ADGRV1: variants seen among roughly 807,000 people sequenced by gnomAD.
ADGRV1 encodes the protein adhesion G protein-coupled receptor V1.
ADGRV1 carries 359 observed loss-of-function variants against 596.2 expected under a neutral mutation model. That is an observed-to-expected ratio of 0.60 (90% CI 0.55 to 0.66). The LOEUF is 0.66. Ranked by LOEUF, ADGRV1 falls within the 30% of genes least tolerant of loss-of-function variation. ADGRV1 has a pLI of 0.00. For missense variants in ADGRV1, 7,274 were observed against 7,575.6 expected (o/e 0.96, Z 1.48); for synonymous variants, 2,681 against 2,679.2 (o/e 1.00, Z -0.02).
At chr5:90,805,263 C>CT in intron 71 of ADGRV1, 21 bp from the exon 72 acceptor site, 1 of 1,601,208 alleles carries the variant, frequency 6.2e-7, no homozygotes, top group East Asian at 2.2e-5. Context: ...ATAAAATACT[C>CT]TAAGCATGAT....
intron 83 of ADGRV1, among the ~76,000 whole-genome samples, chr5:90,865,970 T>G (rs937137339): frequency 1.3e-5 from 2 of 152,164 alleles, no homozygotes; most frequent in African/African-American, 4.8e-5. Flanking sequence ...GGAGGTTAAA[T>G]CAACTCTAGA....
At chr5:90,560,554 C>A (rs550495892) in intron 1 of ADGRV1, among the ~76,000 whole-genome samples, 28 of 152,122 alleles carry the variant, frequency 1.8e-4, no homozygotes, top group African/African-American at 6.7e-4. Flanking sequence ...TTTCCAAATG[C>A]TCTTAGGACC....
Position 90,777,891 on chromosome 5 carries a change from GT to G in ADGRV1, c.12528-11del, listed in dbSNP as rs1258338945. On this transcript the variant is annotated splice_polypyrimidine_tract_variant and intron_variant, in intron 61 of 89. Coordinates refer to ENST00000405460, the MANE Select transcript of ADGRV1 (RefSeq NM_032119.4). ...ACTGAAATGTATTGGATATACATTTGTTTATTGTTGTAGCCTTGTTCGAGGC... is the reference window on the plus strand; with the variant it reads ...ACTGAAATGTATTGGATATACATTTGTTATTGTTGTAGCCTTGTTCGAGGC... 3 of 1,595,646 alleles carry G rather than the reference GT, an allele frequency of 1.9e-6. No individual in the cohort carries two copies. The East Asian group carries it at 6.8e-5, about 36-fold the overall frequency.
intron 1 of ADGRV1, among the ~76,000 whole-genome samples, chr5:90,596,914 A>T (rs1219204141): frequency 6.6e-6 from 1 of 152,132 alleles, no homozygotes; most frequent in Admixed American, 6.5e-5. Flanking sequence ...GACTAAACAC[A>T]CTTCTTAAAA....
At chr5:90,605,440 T>A (rs1006434233) in intron 1 of ADGRV1, among the ~76,000 whole-genome samples, 4 of 150,476 alleles carry the variant, frequency 2.7e-5, no homozygotes, top group African/African-American at 9.8e-5. Flanking sequence ...GATAAAAAAA[T>A]AGAAAAAACT....
chr5:90,824,738 T>C (rs546070820), intron 76 of ADGRV1, among the ~76,000 whole-genome samples: 1 of 152,336 alleles, frequency 6.6e-6, no homozygotes, highest in South Asian at 2.1e-4. Flanking sequence ...AATTTTACCA[T>C]AGACTAATTG....
intron 42 of ADGRV1, among the ~76,000 whole-genome samples, chr5:90,712,827 T>G (rs1162798171): frequency 6.6e-6 from 1 of 152,118 alleles, no homozygotes; most frequent in African/African-American, 2.4e-5. Flanking sequence ...GTAAAGGAAC[T>G]CCTTTAGTGT....
chr5:90,840,055 G>A (rs944577016), intron 77 of ADGRV1, among the ~76,000 whole-genome samples: 1 of 152,142 alleles, frequency 6.6e-6, no homozygotes, highest in Non-Finnish European at 1.5e-5. Context: ...ACCATAATTT[G>A]AAGAAGAGCA....
chr5:90,891,777 G>A (rs963856297), intron 83 of ADGRV1, among the ~76,000 whole-genome samples: 7 of 151,834 alleles, frequency 4.6e-5, no homozygotes, highest in Non-Finnish European at 7.4e-5. Flanking sequence ...ACAATGAAGG[G>A]AAGCAAATGT....
chr5:90,629,345 G>A lies in ADGRV1; in HGVS notation c.1645G>A (p.Gly549Arg). 1 of 1,613,688 alleles carries A rather than the reference G, an allele frequency of 6.2e-7. No individual in the cohort carries two copies. Among genetic ancestry groups the A allele is most frequent in the South Asian group, 1.1e-5 (1 of 91,060 alleles). ...TTTTACAAGACTAGGAGGGACTAAA[G>A]GAGATGTGAGGTTGCTTTATTCTGT... ...LSFTRLGGTK[G>R]DVRLLYSVLY... Residue 549 changes from glycine to arginine, a missense_variant, in exon 9 of 90, where the codon GGA becomes AGA. This residue lies in a region of ADGRV1 where 1,715 missense variants were observed against 1,708.8 expected (regional missense o/e 1.00). Coordinates refer to ENST00000405460, the MANE Select transcript of ADGRV1 (RefSeq NM_032119.4).
Position 90,781,516 on chromosome 5 carries a change from T to A in ADGRV1, c.13169T>A (p.Ile4390Lys). The A allele has an allele frequency of 6.2e-7, 1 of 1,611,558 alleles. No individual in the cohort carries two copies. Among genetic ancestry groups the A allele is most frequent in the South Asian group, 1.1e-5 (1 of 90,750 alleles). ...IGNISIVRII[I>K]MKNDNAEGII... is the part of the protein sequence containing the mutation. ...AACATCTCCATTGTTCGCATCATAA[T>A]AATGAAAAATGATAACGCAGAAGGC... is the stretch of plus-strand genomic sequence containing the variant. The change falls in exon 65 of 90, where the codon ATA becomes AAA. Residue 4390 changes from isoleucine (I) to lysine (K), a missense_variant. Transcript: ENST00000405460.
intron 84 of ADGRV1, among the ~76,000 whole-genome samples, chr5:90,982,789 A>C (rs1003721798): frequency 1.3e-5 from 2 of 152,190 alleles, no homozygotes; most frequent in African/African-American, 4.8e-5. Context: ...TGGCCAGGGG[A>C]GCAATGTCAG....
intron 83 of ADGRV1, among the ~76,000 whole-genome samples, chr5:90,926,691 G>T (rs2150771728): frequency 1.3e-5 from 2 of 150,436 alleles, no homozygotes; most frequent in South Asian, 4.2e-4. Context: ...GAATGTGTTT[G>T]CTCTTGCTTT....
chr5:91,139,156 T>C (rs1397724012), intron 87 of ADGRV1, among the ~76,000 whole-genome samples: 1 of 152,228 alleles, frequency 6.6e-6, no homozygotes, highest in Non-Finnish European at 1.5e-5. Context: ...AGTTGCACAT[T>C]TCTGTAAGAG....
chr5:90,700,958 C>T (rs577998261), intron 34 of ADGRV1, among the ~76,000 whole-genome samples: 1 of 152,138 alleles, frequency 6.6e-6, no homozygotes, highest in Non-Finnish European at 1.5e-5. Context: ...GAATTCTGGT[C>T]TTGAAAATAA....
In ADGRV1 at chr5:90,790,773, ATTT is replaced by A. The variant is rs141501365; in HGVS notation, c.14044-92_14044-90del. 1.0e-5 allele frequency: 7 copies of A among 674,018 alleles called. No individual in the cohort carries two copies. In the South Asian group the frequency reaches 1.3e-4, roughly 13 times the overall value. The allele number at this position is 674,018 out of a possible 1,614,324, so 41.8% of individuals were successfully genotyped here. On this transcript the variant is annotated intron_variant, in intron 69 of 89. Coordinates refer to ENST00000405460, the MANE Select transcript of ADGRV1 (RefSeq NM_032119.4). ...TTTGAATATAGTGATGCACAATTATATTTTTTTTTTGTATATTATAGAGAAAAA... is the reference window on the plus strand; with the variant it reads ...TTTGAATATAGTGATGCACAATTATATTTTTTTGTATATTATAGAGAAAAA...
intron 85 of ADGRV1, among the ~76,000 whole-genome samples, chr5:91,057,225 A>G (rs1416751501): frequency 1.3e-5 from 2 of 152,244 alleles, no homozygotes; most frequent in African/African-American, 4.8e-5. Flanking sequence ...TTGAATTTTC[A>G]GTGTGTTTTT....
intron 1 of ADGRV1, among the ~76,000 whole-genome samples, chr5:90,574,595 C>T (rs1345927560): frequency 6.6e-6 from 1 of 152,084 alleles, no homozygotes; most frequent in Non-Finnish European, 1.5e-5. Flanking sequence ...CGGGTTGACG[C>T]CAGCTTCATA....
At chr5:91,099,267 C>CA (rs55931707) in intron 86 of ADGRV1, among the ~76,000 whole-genome samples, 102 of 142,596 alleles carry the variant, frequency 7.2e-4, no homozygotes, top group South Asian at 1.1e-3. Context: ...ATTTCTCTCT[C>CA]AAAAAAAAAA....
Sources: gnomAD v4.1 joint callset for allele counts (sites outside exome capture counted in the v4.1 genomes callset) on GRCh38, gnomAD v4.1.1 for gene constraint, gnomAD v4.1.1 regional missense constraint, MANE v1.5 for transcripts, NCBI Gene and HGNC (gene_info 2026-07-23, HGNC 2026-07-21) for gene names.